The following VPS35 variants were observed in gnomAD, a reference collection of about 807,000 sequenced individuals.
VPS35 encodes the protein vacuolar protein sorting-associated protein 35.
A neutral mutation model predicts 98.1 loss-of-function variants in VPS35; 21 were observed. The observed-to-expected ratio is 0.21, with a 90% confidence interval of 0.15 to 0.31. The LOEUF (loss-of-function observed/expected upper bound fraction) is 0.31. Among genes scored for constraint, VPS35 ranks in the 10% least tolerant of loss-of-function variants. The pLI is 1.00. For missense variants in VPS35, 554 were observed against 950.8 expected (o/e 0.58, Z 5.49); for synonymous variants, 268 against 318.2 (o/e 0.84, Z 1.68).
intron 5 of VPS35, among the ~76,000 whole-genome samples, chr16:46,680,313 T>C (rs1966215390): frequency 6.6e-6 from 1 of 152,224 alleles, no homozygotes; most frequent in South Asian, 2.1e-4. Context: ...AAGGAACAAT[T>C]ATGAAATCCA....
chr16:46,688,649 A>G (rs1287821756), intron 1 of VPS35: 9 of 1,023,012 alleles, frequency 8.8e-6, no homozygotes, highest in Non-Finnish European at 9.4e-6. Context: ...CCAAGGAATC[A>G]CTGCGACCCC....
chr16:46,689,168 G>C lies in VPS35; in HGVS notation c.-35C>G, dbSNP rs189775907. The C allele has an allele frequency of 2.0e-4, 322 of 1,603,466 alleles. 1 individual carries two copies. The East Asian group carries it at 7.1e-3, about 35-fold the overall frequency. On this transcript the variant is annotated 5_prime_UTR_variant, in exon 1 of 17. Transcript: ENST00000299138. Reference sequence around the variant, plus strand: ...CCAGAGCCTGCAGCAAGCAGCACCCGCCCCGCGCGTAGCCTCCCGCGGTCA... The same window carrying C: ...CCAGAGCCTGCAGCAAGCAGCACCCCCCCCGCGCGTAGCCTCCCGCGGTCA...
intron 1 of VPS35, among the ~76,000 whole-genome samples, chr16:46,687,593 T>G (rs983839066): frequency 1.3e-5 from 2 of 152,112 alleles, no homozygotes; most frequent in Non-Finnish European, 2.9e-5. Context: ...ATCCACACAC[T>G]GTATTACAGT....
rs1323700862 is a variant in VPS35 at position 46,656,660 on chromosome 16, T to C, written c.*3812A>G. 6.6e-6 allele frequency: 1 copy of C among 152,236 alleles called. No individual in the cohort carries two copies. The highest frequency in any genetic ancestry group is 1.5e-5 in the Non-Finnish European group (1 of 68,058). 9.4% of individuals were successfully genotyped at this position (152,236 alleles called of 1,614,324 possible). A position where few individuals can be genotyped will look rare whatever the true frequency, so the allele number is the denominator to read the frequency against. ...GGATTTAAGTCACAGCCTAAGATTT[T>C]ACTTATTTGAAGACACTACTGATGC... On this transcript the variant is annotated 3_prime_UTR_variant, in exon 17 of 17. Transcript: ENST00000299138.
At chr16:46,668,240 C>T (rs747617536) in intron 13 of VPS35, among the ~76,000 whole-genome samples, 7 of 152,186 alleles carry the variant, frequency 4.6e-5, no homozygotes, top group Non-Finnish European at 8.8e-5. Context: ...ACTAAAAATA[C>T]AAAAATTAGC....
intron 1 of VPS35, among the ~76,000 whole-genome samples, chr16:46,686,596 C>T (rs1009070973): frequency 1.3e-5 from 2 of 152,124 alleles, no homozygotes; most frequent in African/African-American, 4.8e-5. Flanking sequence ...TTATATATTA[C>T]TCATAAAACA....
At chr16:46,686,219 T>C (rs1966311691) in intron 1 of VPS35, among the ~76,000 whole-genome samples, 1 of 152,178 alleles carries the variant, frequency 6.6e-6, no homozygotes, top group South Asian at 2.1e-4. Context: ...AGAATTTCCC[T>C]CCTTTTAAAA....
intron 12 of VPS35, among the ~76,000 whole-genome samples, chr16:46,670,160 G>A (rs1442104162): frequency 2.0e-5 from 3 of 152,140 alleles, no homozygotes; most frequent in Non-Finnish European, 4.4e-5. Context: ...TGGCATTCAG[G>A]TTTTGTGAAA....
At chr16:46,677,576 C>T in intron 6 of VPS35, 178 bp from the exon 7 acceptor site, 1 of 605,174 alleles carries the variant, frequency 1.7e-6, no homozygotes, top group South Asian at 1.9e-5. Flanking sequence ...TGTTCGGTTG[C>T]CCAGGCTGGA....
intron 1 of VPS35, among the ~76,000 whole-genome samples, chr16:46,686,551 G>A (rs1161314905): frequency 6.6e-6 from 1 of 152,134 alleles, no homozygotes; most frequent in African/African-American, 2.4e-5. Context: ...TAAGCTACAA[G>A]TGAAGACATA....
rs1187429759 is a variant in VPS35, at chr16:46,658,711, G to C, written c.*1761C>G. ...AACTAACACCTACAAAGAACAGAAA[G>C]GGTTTGCTGGACTATGACATACCAC... is the stretch of plus-strand genomic sequence containing the variant. On this transcript the variant is annotated 3_prime_UTR_variant, in exon 17 of 17. Coordinates refer to ENST00000299138, the MANE Select transcript of VPS35 (RefSeq NM_018206.6). The C allele has an allele frequency of 6.6e-6, 1 of 152,226 alleles. No individual in the cohort carries two copies. The highest frequency in any genetic ancestry group is 1.5e-5 in the Non-Finnish European group (1 of 68,036). 9.4% of individuals were successfully genotyped at this position (152,226 alleles called of 1,614,324 possible).
intron 1 of VPS35, 61 bp downstream of exon 1, chr16:46,689,070 G>C (rs1455610611): frequency 3.8e-6 from 6 of 1,589,766 alleles, no homozygotes; most frequent in Non-Finnish European, 5.1e-6. Flanking sequence ...GCGGGGCGGT[G>C]GGAGAGAGCA....
intron 2 of VPS35, chr16:46,682,407 GCTT>G (rs1966248759): frequency 1.1e-5 from 5 of 474,360 alleles, no homozygotes. Context: ...AAGACTGCAA[GCTT>G]CTTGATAGAA....
Position 46,677,402 on chromosome 16 carries a change from A to G in VPS35, c.721-4T>C, listed in dbSNP as rs759242308. The G allele has an allele frequency of 6.2e-7, 1 of 1,613,224 alleles. No homozygotes were observed. Among genetic ancestry groups the G allele is most frequent in the Non-Finnish European group, 8.5e-7 (1 of 1,179,228 alleles). ...CCAATATGCCAGTCAAAACAATCTA[A>G]AAGAGAAAAAACACACATAAGGGTT... On this transcript the variant is annotated splice_polypyrimidine_tract_variant and splice_region_variant and intron_variant, in intron 6 of 16. Transcript: ENST00000299138.
intron 12 of VPS35, among the ~76,000 whole-genome samples, chr16:46,671,477 CT>C (rs899525396): frequency 1.6e-3 from 238 of 147,436 alleles, no homozygotes; most frequent in Admixed American, 2.8e-3. Flanking sequence ...TGCCATGAAT[CT>C]TTTTTTTTTT....
chr16:46,682,364 G>C, intron 2 of VPS35, 189 bp from the exon 3 acceptor site: 1 of 566,024 alleles, frequency 1.8e-6, no homozygotes, highest in Non-Finnish European at 3.2e-6. Flanking sequence ...AAAAGAAAAA[G>C]ATACATGATT....
At chr16:46,676,495 T>C in intron 8 of VPS35, 88 bp downstream of exon 8, 1 of 826,768 alleles carries the variant, frequency 1.2e-6, no homozygotes, top group Non-Finnish European at 2.1e-6. Flanking sequence ...ATGATAAAGA[T>C]GTAACAGAAA....
At chr16:46,663,962 C>G (rs1223090216) in intron 13 of VPS35, among the ~76,000 whole-genome samples, 2 of 148,058 alleles carry the variant, frequency 1.4e-5, no homozygotes, top group South Asian at 2.2e-4. Flanking sequence ...CCTCCCGCCT[C>G]AGCCTCCCAA....
At chr16:46,662,553 T>C in intron 14 of VPS35, 71 bp from the exon 15 acceptor site, 1 of 1,600,754 alleles carries the variant, frequency 6.2e-7, no homozygotes, top group Middle Eastern at 2.1e-4. Flanking sequence ...CCAAAGTACT[T>C]GTCACCAAAC....
Sources: gnomAD v4.1 joint callset for allele counts (sites outside exome capture counted in the v4.1 genomes callset) on GRCh38, gnomAD v4.1.1 for gene constraint, MANE v1.5 for transcripts, NCBI Gene and HGNC (gene_info 2026-07-23, HGNC 2026-07-21) for gene names.